The following TESK2 variants were observed in gnomAD, a reference collection of about 807,000 sequenced individuals.
The protein encoded by TESK2 is testis associated actin remodelling kinase 2, also known as dual specificity testis-specific protein kinase 2.
In TESK2, 39 loss-of-function variants were observed where a neutral mutation model predicts 57.1. The observed-to-expected ratio is 0.68, with a 90% CI of 0.53 to 0.89. The LOEUF (loss-of-function observed/expected upper bound fraction) is 0.89. Ranked by LOEUF, TESK2 falls within the 40% of genes least tolerant of loss-of-function variation. TESK2 has a pLI of 0.00. For missense variants in TESK2, 646 were observed against 732.1 expected (o/e 0.88, Z 1.36); for synonymous variants, 249 against 267.9 (o/e 0.93, Z 0.69).
At position 45,344,587 on chromosome 1, in the gene TESK2, T is replaced by G; in HGVS notation, c.*253A>C. On this transcript the variant is annotated 3_prime_UTR_variant, in exon 11 of 11. Transcript: ENST00000372086. ...ATCTGGGGAAGTACACTGGAGAGGGTCTGGTGGGAGGCAGACCTCCTTGCT... is the reference window on the plus strand; with the variant it reads ...ATCTGGGGAAGTACACTGGAGAGGGGCTGGTGGGAGGCAGACCTCCTTGCT... The G allele has an allele frequency of 2.0e-6, 1 of 490,798 alleles. No individual in the cohort carries two copies. The allele number at this position is 490,798 out of a possible 1,614,324, so 30.4% of individuals were successfully genotyped here. A position where few individuals can be genotyped will look rare whatever the true frequency, so the allele number is the denominator to read the frequency against.
At chr1:45,445,624 C>CAAAA (rs747691865) in intron 2 of TESK2, among the ~76,000 whole-genome samples, 4 of 108,096 alleles carry the variant, frequency 3.7e-5, no homozygotes, top group Admixed American at 1.1e-4. Context: ...CTGTCTCTAC[C>CAAAA]AAAAAAAAAA....
At chr1:45,384,389 G>A (rs57830748) in intron 4 of TESK2, among the ~76,000 whole-genome samples, 19,605 of 144,014 alleles carry the variant, frequency 0.14, 1,413 homozygotes, top group East Asian at 0.19. Flanking sequence ...CTATCTATCT[G>A]TCTATCTATC....
chr1:45,346,567 T>A, intron 9 of TESK2, 126 bp downstream of exon 9: 1 of 728,856 alleles, frequency 1.4e-6, no homozygotes, highest in East Asian at 2.7e-5. Flanking sequence ...GGAGGTGTGG[T>A]TGCTGTCACT....
intron 5 of TESK2, among the ~76,000 whole-genome samples, chr1:45,351,353 G>A (rs1010212014): frequency 5.9e-5 from 9 of 152,188 alleles, no homozygotes; most frequent in African/African-American, 2.2e-4. Flanking sequence ...GCAAAAGTCT[G>A]TTTCAGGCTG....
chr1:45,346,907 C>A, intron 8 of TESK2, 72 bp downstream of exon 8: 1 of 1,575,906 alleles, frequency 6.3e-7, no homozygotes, highest in Admixed American at 1.7e-5. Context: ...CAAGTCCATC[C>A]CAGGGACAGA....
At chr1:45,443,898 G>C (rs2149294919) in intron 2 of TESK2, among the ~76,000 whole-genome samples, 1 of 152,248 alleles carries the variant, frequency 6.6e-6, no homozygotes, top group South Asian at 2.1e-4. Flanking sequence ...GGCTTTGAAG[G>C]CCAGGTACAG....
chr1:45,415,871 T>G (rs1650218482), intron 3 of TESK2, among the ~76,000 whole-genome samples: 1 of 152,076 alleles, frequency 6.6e-6, no homozygotes. Context: ...ATGGGCCACA[T>G]GTAGCCCAGA....
rs1647098788 is a variant in TESK2, at chr1:45,343,901, T to C, written c.*939A>G. 1 of 482,838 alleles carries C rather than the reference T, an allele frequency of 2.1e-6. No individual in the cohort carries two copies. The highest frequency in any genetic ancestry group is 3.6e-6 in the Non-Finnish European group (1 of 279,778). 29.9% of individuals were successfully genotyped at this position (482,838 alleles called of 1,614,324 possible). On this transcript the variant is annotated 3_prime_UTR_variant, in exon 11 of 11. Coordinates refer to ENST00000372086, the MANE Select transcript of TESK2 (RefSeq NM_007170.3). This position sits in a 1 kb window ranked among gnomAD's most constrained non-coding sequence, Gnocchi z 4.3. Reference sequence around the variant, plus strand: ...TGACCAGCACCTGTAACACTGACTTTATTTTTAAGTCTGAAAATGTCTTGG... The same window carrying C: ...TGACCAGCACCTGTAACACTGACTTCATTTTTAAGTCTGAAAATGTCTTGG...
intron 5 of TESK2, 120 bp downstream of exon 5, chr1:45,355,183 C>A: frequency 8.2e-7 from 1 of 1,225,986 alleles, no homozygotes; most frequent in Non-Finnish European, 1.1e-6. Flanking sequence ...TTTCTAAGGA[C>A]TAACTATAAA....
intron 2 of TESK2, among the ~76,000 whole-genome samples, chr1:45,438,525 CTTTT>C (rs1257742542): frequency 1.3e-5 from 2 of 152,090 alleles, no homozygotes; most frequent in African/African-American, 2.4e-5. Flanking sequence ...GATGAAGACA[CTTTT>C]TTAAGTTTTT....
intron 2 of TESK2, among the ~76,000 whole-genome samples, chr1:45,431,119 T>C (rs1650932521): frequency 6.6e-6 from 1 of 152,176 alleles, no homozygotes; most frequent in Non-Finnish European, 1.5e-5. Context: ...TACACAGTGC[T>C]AGTAAGAAGA....
At chr1:45,360,635 G>A (rs1001781290) in intron 4 of TESK2, among the ~76,000 whole-genome samples, 6 of 152,152 alleles carry the variant, frequency 3.9e-5, no homozygotes, top group Non-Finnish European at 8.8e-5. Flanking sequence ...TGGAAAAAGC[G>A]CAAACCAAGG....
At chr1:45,450,806 T>C (rs896049014) in intron 2 of TESK2, among the ~76,000 whole-genome samples, 4 of 152,052 alleles carry the variant, frequency 2.6e-5, no homozygotes, top group African/African-American at 9.7e-5. Context: ...CTTTAAGTTT[T>C]AGGGTACATG....
chr1:45,466,698 G>A (rs1652567475), intron 1 of TESK2, among the ~76,000 whole-genome samples: 1 of 149,208 alleles, frequency 6.7e-6, no homozygotes, highest in East Asian at 1.9e-4. Context: ...TTACAGAAAA[G>A]CAGAATAGCA....
At chr1:45,396,837 G>T (rs1231299184) in intron 3 of TESK2, among the ~76,000 whole-genome samples, 2 of 108,924 alleles carry the variant, frequency 1.8e-5, no homozygotes, top group Non-Finnish European at 3.5e-5. Flanking sequence ...TTGAGATGGA[G>T]TCTCACTTCG....
chr1:45,408,972 AG>A lies in TESK2; in HGVS notation c.344+12752del, dbSNP rs796842359. On this transcript the variant is annotated intron_variant, in intron 3 of 10. Transcript: ENST00000372086. ...AATGGGGATGTTGACTTTCAGGCCC[AG>A]TTACCCCTTAAAAGACTTTGAATAG... Among the ~76,000 whole-genome samples the A allele has an allele frequency of 3.9e-4, 59 of 152,338 alleles. 2 individuals carry two copies. Among genetic ancestry groups the A allele is most frequent in the African/African-American group, 1.4e-3 (59 of 41,584 alleles).
At position 45,345,520 on chromosome 1, in the gene TESK2, A is replaced by G. The variant is rs1570630361; in HGVS notation, c.1036T>C (p.Ser346Pro). The G allele has an allele frequency of 6.2e-7, 1 of 1,614,072 alleles. No homozygotes were observed. Among genetic ancestry groups the G allele is most frequent in the African/African-American group, 1.3e-5 (1 of 75,006 alleles). ...EKAPGVKRLS[S>P]LDDKIPHKSP... Reference sequence around the variant, plus strand: ...TTGTGGGGGATCTTGTCATCCAGTGAGCTTAGTCGCTTCACCCCAGGTGCT... The same window carrying G: ...TTGTGGGGGATCTTGTCATCCAGTGGGCTTAGTCGCTTCACCCCAGGTGCT... Residue 346 changes from serine to proline, a missense_variant, in exon 11 of 11, where the codon TCA (serine) becomes CCA (proline). By Grantham distance (74) the Ser-to-Pro change is moderately conservative (BLOSUM62 -1). Coordinates refer to ENST00000372086, the MANE Select transcript of TESK2 (RefSeq NM_007170.3).
At chr1:45,459,900 T>C (rs1373240595) in intron 1 of TESK2, among the ~76,000 whole-genome samples, 2 of 152,220 alleles carry the variant, frequency 1.3e-5, no homozygotes, top group African/African-American at 4.8e-5. Context: ...AATGAAATCA[T>C]GTCCTTTGCA....
At chr1:45,474,328 C>CA (rs982465289) in intron 1 of TESK2, among the ~76,000 whole-genome samples, 2 of 151,080 alleles carry the variant, frequency 1.3e-5, no homozygotes, top group Non-Finnish European at 3.0e-5. Flanking sequence ...GATTCGGTCT[C>CA]AAAAAAAAAT....
Sources: allele counts gnomAD v4.1 joint callset (sites outside exome capture counted in the v4.1 genomes callset), GRCh38; gene constraint gnomAD v4.1.1; non-coding constraint Gnocchi (gnomAD v3.1); transcripts MANE v1.5; gene names NCBI Gene and HGNC (gene_info 2026-07-23, HGNC 2026-07-21).